Variants in ZGPAT observed in about 807,000 individuals in gnomAD.
The protein encoded by ZGPAT is zinc finger CCCH-type and G-patch domain containing, also known as zinc finger CCCH-type with G patch domain-containing protein.
ZGPAT carries 39 observed loss-of-function variants against 47.9 expected under a neutral mutation model. The observed-to-expected ratio is 0.81, with a 90% confidence interval of 0.63 to 1.06. ZGPAT has a LOEUF of 1.06. Ranked by LOEUF, ZGPAT falls within the 50% of genes least tolerant of loss-of-function variation. ZGPAT has a pLI of 0.00. For synonymous variants in ZGPAT, 348 were observed against 292.9 expected (o/e 1.19, Z -1.92); for missense variants, 717 against 681.4 (o/e 1.05, Z -0.58).
chr20:63,711,156 A>C (rs766791814), intron 2 of ZGPAT, among the ~76,000 whole-genome samples: 1 of 151,856 alleles, frequency 6.6e-6, no homozygotes, highest in Non-Finnish European at 1.5e-5. Flanking sequence ...CAGCCTCCCT[A>C]ATAGCTGATA....
chr20:63,718,267 C>A (rs952589561), intron 2 of ZGPAT, among the ~76,000 whole-genome samples: 11 of 151,998 alleles, frequency 7.2e-5, no homozygotes, highest in African/African-American at 2.2e-4. Context: ...TTTTGTTCGA[C>A]TTACTCGTTA....
chr20:63,728,865 G>A (rs555019145), intron 2 of ZGPAT, among the ~76,000 whole-genome samples: 7 of 152,142 alleles, frequency 4.6e-5, no homozygotes, highest in Non-Finnish European at 1.0e-4. Context: ...GCAGCCCCAG[G>A]TGCAAAGGCT....
intron 2 of ZGPAT, among the ~76,000 whole-genome samples, chr20:63,732,143 G>C (rs1164238448): frequency 6.6e-6 from 1 of 152,140 alleles, no homozygotes; most frequent in East Asian, 1.9e-4. Context: ...CTACACGTGA[G>C]GGTGCATGTG....
chr20:63,708,789 G>A lies in ZGPAT; in HGVS notation c.209G>A (p.Arg70His), dbSNP rs2091610496. The A allele has an allele frequency of 1.2e-6, 2 of 1,606,110 alleles. No homozygotes were observed. The highest frequency in any genetic ancestry group is 8.5e-7 in the Non-Finnish European group (1 of 1,174,770). ...TTGTTGGCCGCGCTGGACGAAGAGC[G>A]CCCGGGCCGCCAGGAAGATGCTGAG... ...SSLLAALDEE[R>H]PGRQEDAEYQ... Residue 70 changes from arginine to histidine, a missense_variant, in exon 2 of 7, where the codon CGC (arginine) becomes CAC (histidine). Coordinates refer to ENST00000355969, the MANE Select transcript of ZGPAT (RefSeq NM_181485.3).
chr20:63,722,578 T>C (rs1303892500), intron 2 of ZGPAT, among the ~76,000 whole-genome samples: 1 of 152,198 alleles, frequency 6.6e-6, no homozygotes, highest in Non-Finnish European at 1.5e-5. Flanking sequence ...GAGATGACAA[T>C]GTACATCTTT....
In ZGPAT at chr20:63,735,787, C is replaced by A; in HGVS notation, c.1404C>A (p.Ser468Arg). 6.2e-7 allele frequency: 1 copy of A among 1,602,548 alleles called. No homozygotes were observed. Among genetic ancestry groups the A allele is most frequent in the Non-Finnish European group, 8.5e-7 (1 of 1,175,318 alleles). The change falls in exon 7 of 7, where the codon AGC (serine) becomes AGA (arginine). Residue 468 changes from serine to arginine, a missense_variant. Physicochemically the swap from Ser to Arg is moderately radical, Grantham distance 110. Coordinates refer to ENST00000355969, the MANE Select transcript of ZGPAT (RefSeq NM_181485.3). Reference sequence around the variant, plus strand: ...CTAGTGAGCCCCTCCGCAGGCATAGCGTGGCGTCAGCCCAGCTGCAGGAGA... The same window carrying A: ...CTAGTGAGCCCCTCCGCAGGCATAGAGTGGCGTCAGCCCAGCTGCAGGAGA... The part of the protein sequence containing the change: ...EALARNAGRH[S>R]VASAQLQEKL...
intron 2 of ZGPAT, among the ~76,000 whole-genome samples, chr20:63,710,489 A>T (rs2091654519): frequency 6.6e-6 from 1 of 152,134 alleles, no homozygotes; most frequent in Non-Finnish European, 1.5e-5. Context: ...CAACTTTTAA[A>T]TTTTACTTTC....
At chr20:63,734,590 C>G in intron 4 of ZGPAT, 115 bp from the exon 5 acceptor site, 16 of 1,532,682 alleles carry the variant, frequency 1.0e-5, no homozygotes, top group Non-Finnish European at 1.4e-5. Context: ...GCCCGGGTCA[C>G]CATGCACAAT....
chr20:63,717,535 CTA>C (rs1407378120), intron 2 of ZGPAT, among the ~76,000 whole-genome samples: 1 of 151,828 alleles, frequency 6.6e-6, no homozygotes, highest in Non-Finnish European at 1.5e-5. Flanking sequence ...AGATTTCCCT[CTA>C]AACACTGCTT....
intron 2 of ZGPAT, among the ~76,000 whole-genome samples, chr20:63,714,427 TAAAAA>T (rs553069740): frequency 7.5e-6 from 1 of 133,440 alleles, no homozygotes; most frequent in African/African-American, 2.8e-5. Context: ...ACCCTGTCTT[TAAAAA>T]AAAAAAAAAA....
intron 2 of ZGPAT, among the ~76,000 whole-genome samples, chr20:63,715,533 C>G (rs960018936): frequency 1.3e-5 from 2 of 152,140 alleles, no homozygotes; most frequent in Non-Finnish European, 2.9e-5. Flanking sequence ...GCCACCGCAG[C>G]GAGCCTTATC....
chr20:63,726,100 A>G lies in ZGPAT; in HGVS notation c.585-7119A>G, dbSNP rs531145912. Among the ~76,000 whole-genome samples, 4 of 151,984 alleles carry G rather than the reference A, an allele frequency of 2.6e-5. No individual in the cohort carries two copies. The South Asian group carries it at 6.2e-4, about 24-fold the overall frequency. On this transcript the variant is annotated intron_variant, in intron 2 of 6. Transcript: ENST00000355969. ...GTGAACCACCTGCCTCAGCCTCCCA[A>G]AGTACTAGGATTACAGTCGTGAGCC...
intron 2 of ZGPAT, among the ~76,000 whole-genome samples, chr20:63,715,308 C>T (rs1395239110): frequency 3.4e-5 from 5 of 148,370 alleles, no homozygotes; most frequent in Admixed American, 1.4e-4. Context: ...GGCGCGATCT[C>T]GGCTCACTGC....
intron 2 of ZGPAT, among the ~76,000 whole-genome samples, chr20:63,724,988 T>TC: frequency 6.7e-6 from 1 of 149,806 alleles, no homozygotes; most frequent in Admixed American, 6.6e-5. Context: ...GAATTTCTTT[T>TC]TTTTTTTTTT....
intron 2 of ZGPAT, among the ~76,000 whole-genome samples, chr20:63,713,183 T>G (rs2091688610): frequency 1.3e-5 from 2 of 151,504 alleles, no homozygotes; most frequent in South Asian, 4.2e-4. Flanking sequence ...GCAATTCTTC[T>G]GCTCAGCCTC....
At chr20:63,715,532 G>A (rs1034154132) in intron 2 of ZGPAT, among the ~76,000 whole-genome samples, 1 of 152,014 alleles carries the variant, frequency 6.6e-6, no homozygotes, top group Non-Finnish European at 1.5e-5. Flanking sequence ...AGCCACCGCA[G>A]CGAGCCTTAT....
chr20:63,727,551 G>T (rs1321601243), intron 2 of ZGPAT, among the ~76,000 whole-genome samples: 1 of 151,584 alleles, frequency 6.6e-6, no homozygotes, highest in African/African-American at 2.4e-5. Flanking sequence ...CACACCTGTA[G>T]TCCCAGCTAC....
At position 63,732,767 on chromosome 20, in the gene ZGPAT, T is replaced by C. The variant is rs111498778; in HGVS notation, c.585-452T>C. 5.2e-3 allele frequency among the ~76,000 whole-genome samples: 788 copies of C among 151,614 alleles called. 7 individuals are homozygous for C. The highest frequency in any genetic ancestry group is 0.018 in the African/African-American group (759 of 41,118). On this transcript the variant is annotated intron_variant, in intron 2 of 6. Transcript: ENST00000355969. ...ATGTGTGTGTATGCCTGTGTACGTA[T>C]GTATATGCGTGTGTGTATGCATGTG...
At chr20:63,735,098 C>T (rs888630757) in intron 5 of ZGPAT, 61 bp from the exon 6 acceptor site, 15 of 1,465,336 alleles carry the variant, frequency 1.0e-5, no homozygotes, top group South Asian at 1.5e-5. Context: ...CTGCCATCCC[C>T]GTGCTCCTCA....
Sources: allele counts gnomAD v4.1 joint callset (sites outside exome capture counted in the v4.1 genomes callset), GRCh38; gene constraint gnomAD v4.1.1; transcripts MANE v1.5; gene names NCBI Gene and HGNC (gene_info 2026-07-23, HGNC 2026-07-21).